Variants in RAG1 observed in about 807,000 individuals in gnomAD.
RAG1 encodes the protein V(D)J recombination-activating protein 1.
In RAG1, 35 loss-of-function variants were observed where a neutral mutation model predicts 62.7. The ratio of observed to expected loss-of-function variants is 0.56; its 90% CI spans 0.43 to 0.74. The LOEUF (loss-of-function observed/expected upper bound fraction) is 0.74. Ranked by LOEUF, RAG1 falls within the 30% of genes least tolerant of loss-of-function variation. The pLI is 0.00. For missense variants in RAG1, 1,169 were observed against 1,278.6 expected, an observed-to-expected ratio of 0.91 and a Z score of 1.31; for synonymous variants, 461 against 470.3, an observed-to-expected ratio of 0.98 and a Z score of 0.26.
Position 36,573,580 on chromosome 11 carries a change from C to T in RAG1, c.276C>T (p.His92=), listed in dbSNP as rs550985019. ...ACCCTAAGTTTTCAAAGAAATTTCA[C>T]GACAACGAGAAAGCAAGAGGCAAAG... ...KAHPKFSKKF[H]DNEKARGKAI... Residue 92 remains histidine (H), a synonymous_variant, in exon 2 of 2, where the codon CAC becomes CAT. Coordinates refer to ENST00000299440, the MANE Select transcript of RAG1 (RefSeq NM_000448.3). The T allele has an allele frequency of 1.0e-4, 166 of 1,614,176 alleles. No homozygotes were observed. In the East Asian group the frequency reaches 2.9e-3, roughly 28 times the overall value.
At chr11:36,517,975 C>G (rs1218218310) in intron 1 of RAG1, among the ~76,000 whole-genome samples, 2 of 146,050 alleles carry the variant, frequency 1.4e-5, no homozygotes, top group Admixed American at 1.4e-4. Flanking sequence ...TCTCCTAATG[C>G]TATCCCTCCC....
chr11:36,575,365 C>G lies in RAG1; in HGVS notation c.2061C>G (p.Ser687Arg). Residue 687 changes from serine to arginine, a missense_variant, in exon 2 of 2, where the codon AGC (serine) becomes AGG (arginine). Transcript: ENST00000299440. This position sits in a 1 kb window ranked among gnomAD's most constrained non-coding sequence, Gnocchi z 4.1. ...TTGCTGAGAGGGAGGCCATGAAGAGCAGTGAATTAATGCTTGAGCTGGGAG... is the reference window on the plus strand; with the variant it reads ...TTGCTGAGAGGGAGGCCATGAAGAGGAGTGAATTAATGCTTGAGCTGGGAG... ...PLIAEREAMKSSELMLELGGI... is the reference protein window; with the variant it reads ...PLIAEREAMKRSELMLELGGI... 6.2e-7 allele frequency: 1 copy of G among 1,614,110 alleles called. No individual in the cohort carries two copies. The highest frequency in any genetic ancestry group is 8.5e-7 in the Non-Finnish European group (1 of 1,180,004).
At chr11:36,567,434 G>A (rs1377427083), upstream of RAG1, 4 of 152,178 alleles carry the variant, frequency 2.6e-5, no homozygotes, top group East Asian at 7.7e-4. Context: ...ATCCAGGTCT[G>A]TTGATGTCCA....
rs545690623 is a variant in RAG1, at chr11:36,523,741, T to A, written n.428+3512T>A. Among the ~76,000 whole-genome samples, 298 of 152,264 alleles carry A rather than the reference T, an allele frequency of 2.0e-3. 1 individual carries two copies. Among genetic ancestry groups the A allele is most frequent in the Non-Finnish European group, 2.3e-3 (157 of 68,030 alleles). ...TTTGCTGGCCATTGCATAATTTTTT[T>A]AAAAAAATTACACTTTCAATTTTGA... On this transcript the variant is annotated intron_variant and non_coding_transcript_variant, in intron 2 of 2. Coordinates refer to the RAG1 transcript ENST00000529126.
chr11:36,518,384 T>G (rs960698860), intron 1 of RAG1, among the ~76,000 whole-genome samples: 1 of 152,214 alleles, frequency 6.6e-6, no homozygotes, highest in African/African-American at 2.4e-5. Context: ...TCAAATGATA[T>G]TTCTAGTTCT....
At position 36,576,045 on chromosome 11, in the gene RAG1, T is replaced by C. The variant is rs1409629070; in HGVS notation, c.2741T>C (p.Phe914Ser). The C allele has an allele frequency of 6.2e-7, 1 of 1,614,136 alleles. No homozygotes were observed. The highest frequency in any genetic ancestry group is 1.7e-5 in the Admixed American group (1 of 60,036). The change falls in exon 2 of 2, where the codon TTC becomes TCC. Residue 914 changes from phenylalanine to serine, a missense_variant. Coordinates refer to ENST00000299440, the MANE Select transcript of RAG1 (RefSeq NM_000448.3). Reference sequence around the variant, plus strand: ...CCAGAATCCCTCTGCCAGTACAGTTTCAATTCACAGCGTTTTGCTGAGCTC... The same window carrying C: ...CCAGAATCCCTCTGCCAGTACAGTTCCAATTCACAGCGTTTTGCTGAGCTC... ...ECPESLCQYS[F>S]NSQRFAELLS...
intron 1 of RAG1, among the ~76,000 whole-genome samples, chr11:36,569,296 G>A (rs955301409): frequency 8.5e-5 from 13 of 152,240 alleles, no homozygotes; most frequent in Admixed American, 6.5e-4. Flanking sequence ...TGGCAATGTC[G>A]AGATGGCAGT....
At chr11:36,533,969 G>C (rs1564978486) in intron 2 of RAG1, among the ~76,000 whole-genome samples, 1 of 151,820 alleles carries the variant, frequency 6.6e-6, no homozygotes, top group East Asian at 1.9e-4. Flanking sequence ...GATTCCTGAA[G>C]GTATTTTTAG....
At chr11:36,548,054 G>A (rs1235251867) in intron 3 of RAG1, among the ~76,000 whole-genome samples, 8 of 151,956 alleles carry the variant, frequency 5.3e-5, no homozygotes. Context: ...ATGCAGAAAA[G>A]GCCTTCATAA....
chr11:36,531,790 C>A lies in RAG1; in HGVS notation n.429-4169C>A, dbSNP rs140463572. ...GTTTAAAGAACTTCCTGTGGCCATT[C>A]AATAACCTTTTTTCTTATCAAATGA... On this transcript the variant is annotated intron_variant and non_coding_transcript_variant, in intron 2 of 2. Coordinates refer to the RAG1 transcript ENST00000529126. Among the ~76,000 whole-genome samples, 277 of 151,988 alleles carry A rather than the reference C, an allele frequency of 1.8e-3. 2 individuals are homozygous for A. Among genetic ancestry groups the A allele is most frequent in the Admixed American group, 7.8e-3 (119 of 15,238 alleles).
intron 1 of RAG1, among the ~76,000 whole-genome samples, chr11:36,572,865 C>G (rs912900560): frequency 6.6e-6 from 1 of 152,174 alleles, no homozygotes; most frequent in African/African-American, 2.4e-5. Context: ...CCAGCTAGTA[C>G]AATGAGGCTA....
chr11:36,573,412 A>G lies in RAG1; in HGVS notation c.108A>G (p.Arg36=), dbSNP rs865862470. The stretch of plus-strand genomic sequence containing the variant: ...GGAAATTTAAGCTGTTCCGGGTGAG[A>G]TCCTTTGAAAAGACACCTGAAGAAG... ...SEWKFKLFRV[R]SFEKTPEEAQ... Residue 36 remains arginine, a synonymous_variant, in exon 2 of 2, where the codon AGA becomes AGG. Coordinates refer to ENST00000299440, the MANE Select transcript of RAG1 (RefSeq NM_000448.3). The G allele has an allele frequency of 1.2e-6, 2 of 1,614,030 alleles. No individual in the cohort carries two copies. The highest frequency in any genetic ancestry group is 1.1e-5 in the South Asian group (1 of 91,086).
At chr11:36,522,110 C>A (rs1380785198) in intron 2 of RAG1, among the ~76,000 whole-genome samples, 1 of 152,002 alleles carries the variant, frequency 6.6e-6, no homozygotes. Context: ...AAGCCAGCTG[C>A]AGAAATTTGC....
chr11:36,532,285 A>T (rs531053493), intron 2 of RAG1, among the ~76,000 whole-genome samples: 1 of 152,246 alleles, frequency 6.6e-6, no homozygotes, highest in African/African-American at 2.4e-5. Context: ...TATCTCTGTC[A>T]TTCCAGTCTG....
intron 3 of RAG1, among the ~76,000 whole-genome samples, chr11:36,544,161 C>G (rs1264497250): frequency 6.6e-6 from 1 of 152,062 alleles, no homozygotes; most frequent in East Asian, 1.9e-4. Flanking sequence ...ATCCCTGGGA[C>G]CTATAAACGT....
At chr11:36,538,354 G>A (rs920200904), downstream of RAG1, among the ~76,000 whole-genome samples, 1 of 152,156 alleles carries the variant, frequency 6.6e-6, no homozygotes, top group Admixed American at 6.5e-5. Flanking sequence ...TCCTGCTTGG[G>A]TGTAAAGCCC....
intron 3 of RAG1, among the ~76,000 whole-genome samples, chr11:36,548,739 C>T (rs1196519404): frequency 1.3e-5 from 2 of 152,178 alleles, no homozygotes; most frequent in Non-Finnish European, 2.9e-5. Context: ...ATCAAGCTAC[C>T]AATGACTTTC....
chr11:36,568,493 A>G (rs1231860718), intron 1 of RAG1, among the ~76,000 whole-genome samples: 1 of 152,152 alleles, frequency 6.6e-6, no homozygotes, highest in Non-Finnish European at 1.5e-5. Flanking sequence ...GGGTGGGAGG[A>G]AATGTATGGT....
upstream of RAG1, among the ~76,000 whole-genome samples, chr11:36,566,870 T>C (rs928442210): frequency 1.3e-5 from 2 of 152,154 alleles, no homozygotes; most frequent in African/African-American, 4.8e-5. Context: ...GTGGGAGATG[T>C]AAGAGGAGCG....
Sources: gnomAD v4.1 joint callset for allele counts (sites outside exome capture counted in the v4.1 genomes callset) on GRCh38, gnomAD v4.1.1 for gene constraint, Gnocchi (gnomAD v3.1) non-coding constraint, MANE v1.5 for transcripts, NCBI Gene and HGNC (gene_info 2026-07-23, HGNC 2026-07-21) for gene names.